DLG2: variants seen among roughly 807,000 people sequenced by gnomAD.
The protein encoded by DLG2 is disks large homolog 2.
Under a neutral mutation model 132.5 loss-of-function variants are expected in DLG2, and 45 were observed. The observed-to-expected ratio is 0.34, with a 90% CI of 0.27 to 0.44. The LOEUF is 0.44. Among genes scored for constraint, DLG2 ranks in the 20% least tolerant of loss-of-function variants. The probability of loss-of-function intolerance (pLI) is 1.00; values close to 1 mark genes in which losing one functional copy is unlikely to be tolerated. For missense variants in DLG2, 1,045 were observed against 1,196.9 expected, an observed-to-expected ratio of 0.87 and a Z score of 1.87; for synonymous variants, 424 against 419.6, an observed-to-expected ratio of 1.01 and a Z score of -0.13.
At chr11:84,526,472 T>C (rs959826356) in intron 7 of DLG2, among the ~76,000 whole-genome samples, 2 of 152,154 alleles carry the variant, frequency 1.3e-5, no homozygotes, top group African/African-American at 4.8e-5. Context: ...GAACATTATA[T>C]AGCAGTCCTT....
intron 9 of DLG2, among the ~76,000 whole-genome samples, chr11:84,124,406 C>T (rs2094068262): frequency 6.6e-6 from 1 of 152,192 alleles, no homozygotes; most frequent in African/African-American, 2.4e-5. Context: ...TCTAAAGAAC[C>T]TCATTCTCAC....
intron 3 of DLG2, among the ~76,000 whole-genome samples, chr11:85,534,156 T>A (rs375149687): frequency 6.6e-6 from 1 of 151,876 alleles, no homozygotes; most frequent in Non-Finnish European, 1.5e-5. Flanking sequence ...CCTGGCTAAT[T>A]TTTGTCTGTC....
At chr11:83,596,916 C>T (rs1334248537) in intron 19 of DLG2, among the ~76,000 whole-genome samples, 1 of 152,128 alleles carries the variant, frequency 6.6e-6, no homozygotes, top group East Asian at 1.9e-4. Flanking sequence ...TTGTTCTCCT[C>T]TCTCAGTTCT....
intron 5 of DLG2, chr11:85,133,017 C>G (rs1488778041): frequency 5.8e-6 from 2 of 344,702 alleles, no homozygotes; most frequent in Non-Finnish European, 1.2e-5. Flanking sequence ...TAGAAATCAG[C>G]TCCGGCAAAA....
chr11:85,046,661 A>G (rs1411231991), intron 6 of DLG2, among the ~76,000 whole-genome samples: 2 of 151,894 alleles, frequency 1.3e-5, no homozygotes, highest in African/African-American at 2.4e-5. Flanking sequence ...GTTACCTTCA[A>G]CACTAATTTC....
At chr11:83,544,497 C>T (rs890646560) in intron 19 of DLG2, among the ~76,000 whole-genome samples, 1 of 152,096 alleles carries the variant, frequency 6.6e-6, no homozygotes, top group Non-Finnish European at 1.5e-5. Flanking sequence ...CACTGACTAA[C>T]TCCAGAATAT....
chr11:85,519,847 G>A (rs1438443926), intron 3 of DLG2, among the ~76,000 whole-genome samples: 1 of 152,086 alleles, frequency 6.6e-6, no homozygotes, highest in Non-Finnish European at 1.5e-5. Flanking sequence ...GTTATTATAA[G>A]GGGGAGTTTT....
intron 7 of DLG2, among the ~76,000 whole-genome samples, chr11:84,287,351 C>A (rs2097919644): frequency 1.3e-5 from 2 of 152,050 alleles, no homozygotes; most frequent in Admixed American, 1.3e-4. Context: ...AGATATGAAA[C>A]TGAGATCTAG....
At chr11:85,490,581 A>G (rs891693887) in intron 3 of DLG2, among the ~76,000 whole-genome samples, 5 of 152,084 alleles carry the variant, frequency 3.3e-5, no homozygotes, top group African/African-American at 9.7e-5. Flanking sequence ...AAGAAAACTC[A>G]AATAAACAAA....
At chr11:83,883,161 T>C (rs2066787350) in intron 15 of DLG2, among the ~76,000 whole-genome samples, 2 of 152,212 alleles carry the variant, frequency 1.3e-5, no homozygotes, top group African/African-American at 2.4e-5. Context: ...CACTTTTAAT[T>C]TGAGAACAGT....
chr11:85,210,294 C>A (rs1318133584), intron 4 of DLG2, among the ~76,000 whole-genome samples: 1 of 152,012 alleles, frequency 6.6e-6, no homozygotes, highest in East Asian at 1.9e-4. Flanking sequence ...CCACTCTCCC[C>A]CTAATTCACT....
chr11:83,924,859 A>G lies in DLG2; in HGVS notation c.1496+5469T>C, dbSNP rs562527018. Reference sequence around the variant, plus strand: ...GGATTCTCTGAGCCCAGCAGAGAACAGTTAGAAGTTAGACCTATGAGAAGA... The same window carrying G: ...GGATTCTCTGAGCCCAGCAGAGAACGGTTAGAAGTTAGACCTATGAGAAGA... On this transcript the variant is annotated intron_variant, in intron 15 of 27. Coordinates refer to ENST00000376104, the MANE Select transcript of DLG2 (RefSeq NM_001142699.3). Among the ~76,000 whole-genome samples the G allele has an allele frequency of 1.1e-4, 16 of 152,260 alleles. No homozygotes were observed. In the East Asian group the frequency reaches 3.1e-3, roughly 29 times the overall value.
chr11:84,713,265 G>A (rs1226363902), intron 6 of DLG2, among the ~76,000 whole-genome samples: 1 of 152,058 alleles, frequency 6.6e-6, no homozygotes, highest in Non-Finnish European at 1.5e-5. Flanking sequence ...AGAGTGATAT[G>A]ACTTTGGGCA....
chr11:84,760,632 T>C (rs957397676), intron 6 of DLG2, among the ~76,000 whole-genome samples: 4 of 152,344 alleles, frequency 2.6e-5, no homozygotes, highest in Middle Eastern at 3.4e-3. Flanking sequence ...TTTAACTGTG[T>C]ATTTAAATTA....
At chr11:85,401,347 TAA>T (rs1935681444) in intron 3 of DLG2, among the ~76,000 whole-genome samples, 1 of 152,034 alleles carries the variant, frequency 6.6e-6, no homozygotes, top group Non-Finnish European at 1.5e-5. Flanking sequence ...CTCAAAATAA[TAA>T]GAGTTATTTA....
At position 85,179,997 on chromosome 11, in the gene DLG2, A is replaced by G. The variant is rs191796436; in HGVS notation, c.187-25346T>C. Among the ~76,000 whole-genome samples, 409 of 152,030 alleles carry G rather than the reference A, an allele frequency of 2.7e-3. 1 individual carries two copies. Among genetic ancestry groups the G allele is most frequent in the African/African-American group, 9.4e-3 (389 of 41,542 alleles). ...TAGGTGGCTGTGATTTACACCAGGT[A>G]GGCTTATTCCAGAGTTTAACCTTTG... On this transcript the variant is annotated intron_variant, in intron 4 of 27. Transcript: ENST00000376104.
intron 16 of DLG2, among the ~76,000 whole-genome samples, chr11:83,863,155 G>A (rs1313438256): frequency 6.6e-6 from 1 of 152,190 alleles, no homozygotes; most frequent in Non-Finnish European, 1.5e-5. Context: ...AGGAACCTAT[G>A]TGTGTTCACA....
intron 6 of DLG2, among the ~76,000 whole-genome samples, chr11:84,755,510 G>A (rs912576488): frequency 4.6e-5 from 7 of 152,186 alleles, no homozygotes; most frequent in South Asian, 2.1e-4. Context: ...TGCAAGCTCC[G>A]CTTCCCGGGT....
intron 3 of DLG2, among the ~76,000 whole-genome samples, chr11:85,454,784 G>C (rs2092366580): frequency 6.6e-6 from 1 of 152,100 alleles, no homozygotes; most frequent in Admixed American, 6.6e-5. Context: ...TTATTGAATA[G>C]CAAGTCCTTT....
Sources: allele counts gnomAD v4.1 joint callset (sites outside exome capture counted in the v4.1 genomes callset), GRCh38; gene constraint gnomAD v4.1.1; transcripts MANE v1.5; gene names NCBI Gene and HGNC (gene_info 2026-07-23, HGNC 2026-07-21).